Variants in SCN9A observed in about 807,000 individuals in gnomAD.
SCN9A encodes the protein sodium channel protein type 9 subunit alpha.
SCN9A carries 131 observed loss-of-function variants against 187.0 expected under a neutral mutation model. The observed-to-expected ratio is 0.70, with a 90% confidence interval of 0.61 to 0.81. The LOEUF is 0.81. Ranked by LOEUF, SCN9A falls within the 30% of genes least tolerant of loss-of-function variation. SCN9A has a pLI of 0.00. For missense variants in SCN9A, 2,252 were observed against 2,396.6 expected, an observed-to-expected ratio of 0.94 and a Z score of 1.26; for synonymous variants, 809 against 808.6, an observed-to-expected ratio of 1.00 and a Z score of -0.01.
At chr2:166,273,065 T>A (rs1697075094) in intron 16 of SCN9A, among the ~76,000 whole-genome samples, 190 bp from the exon 17 acceptor site, 2 of 151,998 alleles carry the variant, frequency 1.3e-5, no homozygotes, top group South Asian at 4.2e-4. Context: ...CATCACTGTA[T>A]CCCTAGACTA....
chr2:166,229,132 T>C (rs1419761711), intron 21 of SCN9A, among the ~76,000 whole-genome samples, 160 bp from the exon 22 acceptor site: 1 of 152,128 alleles, frequency 6.6e-6, no homozygotes, highest in Non-Finnish European at 1.5e-5. Context: ...AAATGCCTAC[T>C]CTACACTCAG....
At chr2:166,222,038 G>C (rs1038062374) in intron 24 of SCN9A, among the ~76,000 whole-genome samples, 1 of 152,104 alleles carries the variant, frequency 6.6e-6, no homozygotes, top group Non-Finnish European at 1.5e-5. Context: ...TAGCAGGAAA[G>C]CTTCATGATA....
intron 17 of SCN9A, among the ~76,000 whole-genome samples, chr2:166,255,770 T>G (rs1222715149): frequency 6.6e-6 from 1 of 151,288 alleles, no homozygotes; most frequent in African/African-American, 2.4e-5. Context: ...CAAAAGACAG[T>G]AAGAAAGTTG....
intron 21 of SCN9A, 43 bp downstream of exon 21, chr2:166,233,297 C>T (rs1558969631): frequency 3.7e-6 from 5 of 1,354,390 alleles, no homozygotes; most frequent in East Asian, 2.7e-5. Flanking sequence ...ATTTTAAACC[C>T]CATTAAAAAA....
In SCN9A at chr2:166,263,018, C is replaced by T. The variant is rs1450898972; in HGVS notation, c.3351+9381G>A. 2.0e-5 allele frequency among the ~76,000 whole-genome samples: 3 copies of T among 151,958 alleles called. No individual in the cohort carries two copies. The East Asian group carries it at 5.8e-4, about 30-fold the overall frequency. ...GGATGCTGAAGGCTCACATCTGAAT[C>T]CCTCTTTGGGCCTTATCGTGGCAGA... On this transcript the variant is annotated intron_variant, in intron 17 of 26. Coordinates refer to ENST00000642356, the MANE Select transcript of SCN9A (RefSeq NM_001365536.1).
chr2:166,270,204 GA>G (rs1354115655), intron 17 of SCN9A, among the ~76,000 whole-genome samples: 11 of 151,232 alleles, frequency 7.3e-5, no homozygotes, highest in Non-Finnish European at 1.5e-4. Flanking sequence ...AAAATAATTG[GA>G]AAAAATAAAT....
intron 12 of SCN9A, among the ~76,000 whole-genome samples, chr2:166,284,237 A>G (rs769211894): frequency 1.2e-4 from 19 of 152,354 alleles, no homozygotes; most frequent in Non-Finnish European, 5.9e-5. Context: ...TTAATAGACA[A>G]GTACCTTTTT....
At chr2:166,375,431 C>G (rs998847713) in intron 1 of SCN9A, among the ~76,000 whole-genome samples, 6 of 152,218 alleles carry the variant, frequency 3.9e-5, no homozygotes, top group Non-Finnish European at 8.8e-5. Context: ...AGTTTCAGAA[C>G]CTGGCAGCAA....
Position 166,304,253 on chromosome 2 carries a change from T to C in SCN9A, c.673A>G (p.Ile225Val). The C allele has an allele frequency of 1.2e-6, 2 of 1,613,504 alleles. No individual in the cohort carries two copies. Among genetic ancestry groups the C allele is most frequent in the Non-Finnish European group, 1.7e-6 (2 of 1,179,510 alleles). ...TACTTCTTACCTGGGATTACAGAAA[T>C]AGTTTTCAAAGCTCTCAATACTCTG... ...TFRVLRALKT[I>V]SVIPGLKTIV... The change falls in exon 6 of 27, where the codon ATT (isoleucine) becomes GTT (valine). Residue 225 changes from isoleucine (I) to valine (V), a missense_variant. Physicochemically the swap from Ile to Val is conservative, Grantham distance 29 (BLOSUM62 3). Coordinates refer to ENST00000642356, the MANE Select transcript of SCN9A (RefSeq NM_001365536.1).
At chr2:166,222,617 A>G (rs1162944372) in intron 24 of SCN9A, among the ~76,000 whole-genome samples, 1 of 148,780 alleles carries the variant, frequency 6.7e-6, no homozygotes, top group African/African-American at 2.5e-5. Context: ...ACAGAGTGAG[A>G]CTCCTTCAAA....
rs12105034 is a variant in SCN9A, at chr2:166,327,191, C to G, written c.-50-15385G>C. Reference sequence around the variant, plus strand: ...TCTTATAAACACAAGGTCTCACTCACTCTGTTGCCCAGGTTGCAGTGCAAT... The same window carrying G: ...TCTTATAAACACAAGGTCTCACTCAGTCTGTTGCCCAGGTTGCAGTGCAAT... On this transcript the variant is annotated intron_variant, in intron 1 of 26. Coordinates refer to ENST00000642356, the MANE Select transcript of SCN9A (RefSeq NM_001365536.1). Among the ~76,000 whole-genome samples the G allele has an allele frequency of 1.4e-3, 213 of 152,276 alleles. 1 individual carries two copies. Among genetic ancestry groups the G allele is most frequent in the African/African-American group, 4.7e-3 (195 of 41,554 alleles).
At chr2:166,267,242 G>C (rs754709686) in intron 17 of SCN9A, among the ~76,000 whole-genome samples, 9 of 151,826 alleles carry the variant, frequency 5.9e-5, no homozygotes, top group Non-Finnish European at 1.0e-4. Context: ...TACTTAATTT[G>C]TTGATAATTT....
intron 7 of SCN9A, among the ~76,000 whole-genome samples, chr2:166,297,196 C>CACAAAAAAAAAAAAAAAAA (rs1698346850): frequency 3.0e-5 from 1 of 32,892 alleles, no homozygotes; most frequent in Non-Finnish European, 5.8e-5. Flanking sequence ...GACTCCATCT[C>CACAAAAAAAAAAAAAAAAA]AAAAAAAAAA....
chr2:166,294,735 A>C (rs1698225523), intron 7 of SCN9A, 73 bp from the exon 8 acceptor site: 6 of 1,030,968 alleles, frequency 5.8e-6, no homozygotes, highest in Non-Finnish European at 8.6e-6. Context: ...GAGGTAAATT[A>C]ATTGATATAG....
chr2:166,296,184 G>A (rs893898714), intron 7 of SCN9A: 14 of 152,118 alleles, frequency 9.2e-5, no homozygotes, highest in African/African-American at 3.1e-4. Flanking sequence ...TGTAAAATAC[G>A]TATAAGAATA....
intron 2 of SCN9A, among the ~76,000 whole-genome samples, chr2:166,309,782 C>T (rs368463219): frequency 2.7e-5 from 4 of 146,430 alleles, no homozygotes; most frequent in Admixed American, 6.8e-5. Context: ...AAAAAGAGCC[C>T]GCATCGCCAA....
chr2:166,334,674 A>G (rs1699585507), intron 1 of SCN9A, among the ~76,000 whole-genome samples: 1 of 152,154 alleles, frequency 6.6e-6, no homozygotes, highest in African/African-American at 2.4e-5. Flanking sequence ...CTATGCCATA[A>G]AAAAGTAAAA....
intron 13 of SCN9A, 122 bp downstream of exon 13, chr2:166,281,557 A>T: frequency 2.4e-6 from 2 of 831,710 alleles, no homozygotes; most frequent in East Asian, 2.6e-5. Context: ...CTTTACCATC[A>T]TTTAAAACCA....
At chr2:166,228,569 GTT>G (rs58595486) in intron 22 of SCN9A, 120 bp downstream of exon 22, 850,045 of 1,071,554 alleles carry the variant, frequency 0.79, 337,849 homozygotes, top group East Asian at 0.94. Context: ...GACTGGCACT[GTT>G]TTAAAAACCA....
Sources: allele counts gnomAD v4.1 joint callset (sites outside exome capture counted in the v4.1 genomes callset), GRCh38; gene constraint gnomAD v4.1.1; transcripts MANE v1.5; gene names NCBI Gene and HGNC (gene_info 2026-07-23, HGNC 2026-07-21).